UBE2E2: variants seen among roughly 807,000 people sequenced by gnomAD.
UBE2E2 encodes the protein ubiquitin-conjugating enzyme E2 E2.
Under a neutral mutation model 24.7 loss-of-function variants are expected in UBE2E2, and 6 were observed. The ratio of observed to expected loss-of-function variants is 0.24; its 90% confidence interval spans 0.13 to 0.48. The LOEUF (loss-of-function observed/expected upper bound fraction) is 0.48. Among genes scored for constraint, UBE2E2 ranks in the 20% least tolerant of loss-of-function variants. UBE2E2 has a pLI of 0.99. For missense variants in UBE2E2, 169 were observed against 245.0 expected, an observed-to-expected ratio of 0.69 and a Z score of 2.07; for synonymous variants, 104 against 83.6, an observed-to-expected ratio of 1.24 and a Z score of -1.33.
intron 3 of UBE2E2, among the ~76,000 whole-genome samples, chr3:23,438,395 G>A (rs1055107265): frequency 1.3e-5 from 2 of 152,158 alleles, no homozygotes; most frequent in Admixed American, 1.3e-4. Flanking sequence ...TTGAGCAAAG[G>A]ATTGGCAGAA....
At chr3:23,433,208 C>G (rs1698106636) in intron 3 of UBE2E2, among the ~76,000 whole-genome samples, 1 of 151,772 alleles carries the variant, frequency 6.6e-6, no homozygotes, top group Non-Finnish European at 1.5e-5. Flanking sequence ...AAATCTTATA[C>G]TCATATCTTT....
At chr3:23,352,301 C>A (rs1485161706) in intron 3 of UBE2E2, among the ~76,000 whole-genome samples, 2 of 151,990 alleles carry the variant, frequency 1.3e-5, no homozygotes, top group Non-Finnish European at 2.9e-5. Context: ...AAAATTGACA[C>A]CCTAACATCA....
intron 3 of UBE2E2, among the ~76,000 whole-genome samples, chr3:23,259,514 A>G (rs1045855897): frequency 2.0e-5 from 3 of 152,014 alleles, no homozygotes; most frequent in Non-Finnish European, 4.4e-5. Context: ...GAAGATCACT[A>G]TGGCACACAT....
At chr3:23,439,502 G>GC (rs775303716) in intron 3 of UBE2E2, among the ~76,000 whole-genome samples, 15 of 152,182 alleles carry the variant, frequency 9.9e-5, no homozygotes, top group African/African-American at 1.9e-4. Context: ...TGAATTTTAA[G>GC]CAAGTGAGCC....
At chr3:23,354,568 G>A (rs956000174) in intron 3 of UBE2E2, among the ~76,000 whole-genome samples, 1 of 152,190 alleles carries the variant, frequency 6.6e-6, no homozygotes, top group Non-Finnish European at 1.5e-5. Flanking sequence ...AGTGGGCGAA[G>A]GACATGAACA....
At chr3:23,258,817 C>G (rs534682154) in intron 3 of UBE2E2, among the ~76,000 whole-genome samples, 208 of 141,362 alleles carry the variant, frequency 1.5e-3, no homozygotes, top group Middle Eastern at 8.0e-3. Flanking sequence ...GGCGTGAACC[C>G]GGGAGGCGGA....
rs145789324 is a variant in UBE2E2 at position 23,290,197 on chromosome 3, A to T, written c.227+72885A>T. ...CTGCTAAGCAGTTAGATTGGTAACT[A>T]TGAGGTAGCAGCTTCTGTATCTTGT... On this transcript the variant is annotated intron_variant, in intron 3 of 5. Transcript: ENST00000396703. 2.6e-5 allele frequency among the ~76,000 whole-genome samples: 4 copies of T among 152,360 alleles called. No homozygotes were observed. In the East Asian group the frequency reaches 7.7e-4, roughly 29 times the overall value.
chr3:23,420,628 C>G (rs1697772703), intron 3 of UBE2E2, among the ~76,000 whole-genome samples: 1 of 152,186 alleles, frequency 6.6e-6, no homozygotes, highest in Admixed American at 6.5e-5. Flanking sequence ...ACTTCTAAGA[C>G]AAGGCTTTGA....
intron 3 of UBE2E2, among the ~76,000 whole-genome samples, chr3:23,439,656 T>G (rs1698257351): frequency 6.6e-6 from 1 of 152,210 alleles, no homozygotes; most frequent in Admixed American, 6.5e-5. Context: ...ATCCCATCCC[T>G]CAAGTGCTTT....
At chr3:23,522,932 A>C (rs1017452490) in intron 4 of UBE2E2, among the ~76,000 whole-genome samples, 1 of 152,144 alleles carries the variant, frequency 6.6e-6, no homozygotes, top group Non-Finnish European at 1.5e-5. Context: ...ACACTCAAAG[A>C]TTTCTGTCTG....
chr3:23,339,018 C>G (rs566241726), intron 3 of UBE2E2, among the ~76,000 whole-genome samples: 1 of 152,174 alleles, frequency 6.6e-6, no homozygotes, highest in African/African-American at 2.4e-5. Context: ...ATCATAGTAA[C>G]CTTACAGTGG....
At chr3:23,444,482 A>C (rs1202789455) in intron 3 of UBE2E2, among the ~76,000 whole-genome samples, 1 of 152,200 alleles carries the variant, frequency 6.6e-6, no homozygotes, top group Non-Finnish European at 1.5e-5. Context: ...CAGAACCTCT[A>C]CCTTAGTAGA....
At chr3:23,475,749 T>C (rs1338279825) in intron 3 of UBE2E2, among the ~76,000 whole-genome samples, 4 of 152,018 alleles carry the variant, frequency 2.6e-5, no homozygotes, top group Non-Finnish European at 4.4e-5. Context: ...GACCGGGGCT[T>C]TTATACCACA....
chr3:23,407,593 G>A lies in UBE2E2; in HGVS notation c.228-92015G>A, dbSNP rs1466437936. ...CCCCTCCCTCTACTTTTTATGGTTT[G>A]TATGTTTGTTTTGGGAGGAGTGCAT... On this transcript the variant is annotated intron_variant, in intron 3 of 5. Transcript: ENST00000396703. This position sits in a 1 kb window ranked among gnomAD's most constrained non-coding sequence, Gnocchi z 4.0. 1.3e-5 allele frequency among the ~76,000 whole-genome samples: 2 copies of A among 151,188 alleles called. No homozygotes were observed. The highest frequency in any genetic ancestry group is 2.9e-5 in the Non-Finnish European group (2 of 67,870).
rs567889854 is a variant in UBE2E2, at chr3:23,268,855, A to T, written c.227+51543A>T. ...GCATGGTACTGGTACCGAAACAGAG[A>T]TATAGATCAATGGAACAGAACAGAG... On this transcript the variant is annotated intron_variant, in intron 3 of 5. Transcript: ENST00000396703. 3.3e-5 allele frequency among the ~76,000 whole-genome samples: 5 copies of T among 152,176 alleles called. No homozygotes were observed. In the South Asian group the frequency reaches 1.0e-3, roughly 32 times the overall value.
chr3:23,391,348 A>T (rs1285353487), intron 3 of UBE2E2, among the ~76,000 whole-genome samples: 1 of 152,228 alleles, frequency 6.6e-6, no homozygotes, highest in African/African-American at 2.4e-5. Context: ...TAGACTTAGA[A>T]TGTATATGCA....
chr3:23,582,450 G>C (rs1172549796), intron 5 of UBE2E2, among the ~76,000 whole-genome samples: 1 of 152,132 alleles, frequency 6.6e-6, no homozygotes, highest in Admixed American at 6.5e-5. Context: ...TGGTAATTCT[G>C]CTTTGAGTTA....
chr3:23,243,463 G>A (rs573736904), intron 3 of UBE2E2, among the ~76,000 whole-genome samples: 9 of 152,198 alleles, frequency 5.9e-5, no homozygotes, highest in Non-Finnish European at 1.2e-4. Flanking sequence ...TTTATGGCCC[G>A]CTTCCCTTTC....
chr3:23,312,655 T>A (rs1694443600), intron 3 of UBE2E2, among the ~76,000 whole-genome samples: 1 of 152,148 alleles, frequency 6.6e-6, no homozygotes, highest in Non-Finnish European at 1.5e-5. Flanking sequence ...TATAATTTCT[T>A]CTACTAAATT....
Sources: allele counts gnomAD v4.1 joint callset (sites outside exome capture counted in the v4.1 genomes callset), GRCh38; gene constraint gnomAD v4.1.1; non-coding constraint Gnocchi (gnomAD v3.1); transcripts MANE v1.5; gene names NCBI Gene and HGNC (gene_info 2026-07-23, HGNC 2026-07-21).